The following HSD17B12 variants were observed in gnomAD, a reference collection of about 807,000 sequenced individuals.
The protein encoded by HSD17B12 is very-long-chain 3-oxoacyl-CoA reductase.
Under a neutral mutation model 39.3 loss-of-function variants are expected in HSD17B12, and 32 were observed. The ratio of observed to expected loss-of-function variants is 0.81; its 90% CI spans 0.61 to 1.09. The LOEUF is 1.09. Ranked by LOEUF, HSD17B12 falls within the 50% of genes least tolerant of loss-of-function variation. The pLI is 0.00. For synonymous variants in HSD17B12, 150 were observed against 146.7 expected (o/e 1.02, Z -0.16); for missense variants, 342 against 382.9 (o/e 0.89, Z 0.89).
At chr11:43,660,323 C>A in the HSD17B12 span, among the ~76,000 whole-genome samples, 1 of 152,132 alleles carries the variant, frequency 6.6e-6, no homozygotes, top group African/African-American at 2.4e-5. Flanking sequence ...TTTGATCAGC[C>A]CCCAAGTCCC....
At chr11:43,624,792 G>C in the HSD17B12 span, among the ~76,000 whole-genome samples, 2 of 151,726 alleles carry the variant, frequency 1.3e-5, no homozygotes, top group Admixed American at 1.3e-4. Flanking sequence ...AATCAAGTAG[G>C]TTAATAGTCC....
the HSD17B12 span, among the ~76,000 whole-genome samples, chr11:43,655,888 A>C: frequency 6.6e-6 from 1 of 152,134 alleles, no homozygotes; most frequent in Non-Finnish European, 1.5e-5. Context: ...TGTCTCCGTC[A>C]GCCTTTGGTA....
At chr11:43,559,919 C>A in the HSD17B12 span, among the ~76,000 whole-genome samples, 1 of 152,248 alleles carries the variant, frequency 6.6e-6, no homozygotes, top group Admixed American at 6.5e-5. Flanking sequence ...TGGAACCTGG[C>A]ACAAAATGAA....
chr11:43,673,027 A>G, the HSD17B12 span: 1 of 152,216 alleles, frequency 6.6e-6, no homozygotes, highest in Non-Finnish European at 1.5e-5. Context: ...GTTAAAGTTC[A>G]ATATTTTGAA....
At chr11:43,585,243 C>A in the HSD17B12 span, among the ~76,000 whole-genome samples, 567 of 152,320 alleles carry the variant, frequency 3.7e-3, 6 homozygotes, top group African/African-American at 0.013. Flanking sequence ...CCAGCAAAAT[C>A]TCTTGCTATA....
chr11:43,647,036 C>A, the HSD17B12 span, among the ~76,000 whole-genome samples: 2 of 152,146 alleles, frequency 1.3e-5, no homozygotes, highest in African/African-American at 4.8e-5. Flanking sequence ...GGGTAACTTT[C>A]TTGACTAAGG....
chr11:43,590,499 GT>G, the HSD17B12 span, among the ~76,000 whole-genome samples: 1 of 68,678 alleles, frequency 1.5e-5, no homozygotes, highest in Non-Finnish European at 3.2e-5. Context: ...TTGTAGTGGA[GT>G]GAGTGATTTT....
chr11:43,565,991 T>C, the HSD17B12 span, among the ~76,000 whole-genome samples: 1 of 151,628 alleles, frequency 6.6e-6, no homozygotes, highest in African/African-American at 2.4e-5. Flanking sequence ...TCCACTTCTG[T>C]CTGTTCTGGA....
the HSD17B12 span, chr11:43,672,878 C>A: frequency 2.6e-5 from 4 of 152,154 alleles, no homozygotes; most frequent in African/African-American, 7.2e-5. Context: ...GGTAATATTT[C>A]TTGTTAAATA....
chr11:43,781,877 G>C (rs1950769269), intron 3 of HSD17B12, among the ~76,000 whole-genome samples: 1 of 152,110 alleles, frequency 6.6e-6, no homozygotes, highest in South Asian at 2.1e-4. Flanking sequence ...CAGACAATCA[G>C]TATTTGGAAA....
At chr11:43,590,147 G>A in the HSD17B12 span, among the ~76,000 whole-genome samples, 1 of 152,072 alleles carries the variant, frequency 6.6e-6, no homozygotes, top group African/African-American at 2.4e-5. Flanking sequence ...GGAGTCATGA[G>A]ATAAGAGAAG....
At chr11:43,696,998 C>A (rs1949918222) in intron 1 of HSD17B12, among the ~76,000 whole-genome samples, 1 of 151,692 alleles carries the variant, frequency 6.6e-6, no homozygotes, top group South Asian at 2.1e-4. Flanking sequence ...ACAACACACA[C>A]CAGGACTTGT....
At chr11:43,685,247 G>A (rs1307407779) in intron 1 of HSD17B12, among the ~76,000 whole-genome samples, 2 of 137,412 alleles carry the variant, frequency 1.5e-5, no homozygotes, top group Admixed American at 7.5e-5. Flanking sequence ...GCATGGAATG[G>A]TGTGGTTCTC....
At chr11:43,714,263 C>A (rs899986624) in intron 1 of HSD17B12, among the ~76,000 whole-genome samples, 9 of 151,388 alleles carry the variant, frequency 5.9e-5, no homozygotes, top group African/African-American at 1.2e-4. Context: ...TTAGGTCTAA[C>A]ATTTAAGTCT....
At chr11:43,651,964 C>T in the HSD17B12 span, among the ~76,000 whole-genome samples, 1 of 152,134 alleles carries the variant, frequency 6.6e-6, no homozygotes, top group Non-Finnish European at 1.5e-5. Flanking sequence ...ACTGAAACTA[C>T]AAAACATTGC....
At chr11:43,777,582 A>G (rs983891919) in intron 3 of HSD17B12, among the ~76,000 whole-genome samples, 1 of 152,126 alleles carries the variant, frequency 6.6e-6, no homozygotes, top group Non-Finnish European at 1.5e-5. Flanking sequence ...TGTTCTCCTA[A>G]TTGAATGCCC....
intron 1 of HSD17B12, among the ~76,000 whole-genome samples, chr11:43,722,145 G>A (rs1022203765): frequency 6.6e-6 from 1 of 152,200 alleles, no homozygotes; most frequent in African/African-American, 2.4e-5. Flanking sequence ...CCCATGGGGA[G>A]TTCTGACAGA....
chr11:43,608,810 A>T, the HSD17B12 span, among the ~76,000 whole-genome samples: 1 of 152,356 alleles, frequency 6.6e-6, no homozygotes, highest in African/African-American at 2.4e-5. Context: ...CAGAAAACTT[A>T]TTCCAAGTAG....
the HSD17B12 span, among the ~76,000 whole-genome samples, chr11:43,606,537 C>A: frequency 1.8e-4 from 27 of 152,226 alleles, no homozygotes; most frequent in Non-Finnish European, 2.6e-4. Flanking sequence ...GCCCTCAAAA[C>A]AAGCTCAACT....
Sources: gnomAD v4.1 joint callset for allele counts (sites outside exome capture counted in the v4.1 genomes callset) on GRCh38, gnomAD v4.1.1 for gene constraint, MANE v1.5 for transcripts, NCBI Gene and HGNC (gene_info 2026-07-23, HGNC 2026-07-21) for gene names.